NREP: variants seen among roughly 807,000 people sequenced by gnomAD.
The protein encoded by NREP is neuronal regeneration-related protein.
NREP carries 5 observed loss-of-function variants against 8.6 expected under a neutral mutation model. That is an observed-to-expected ratio of 0.58 (90% CI 0.30 to 1.22). The LOEUF (loss-of-function observed/expected upper bound fraction) is 1.22. NREP is among the 50% of genes most tolerant of loss of function. NREP has a pLI of 0.07. For synonymous variants in NREP, 27 were observed against 28.0 expected (o/e 0.96, Z 0.11); for missense variants, 86 against 82.5 (o/e 1.04, Z -0.17).
At chr5:111,843,754 G>C (rs1333495123) in intron 2 of NREP, among the ~76,000 whole-genome samples, 1 of 152,138 alleles carries the variant, frequency 6.6e-6, no homozygotes, top group African/African-American at 2.4e-5. Flanking sequence ...GGAAGTGTTG[G>C]AAGGTGGGGT....
chr5:111,910,717 A>G (rs1188775923), intron 2 of NREP, among the ~76,000 whole-genome samples: 1 of 152,078 alleles, frequency 6.6e-6, no homozygotes, highest in Non-Finnish European at 1.5e-5. Context: ...CCCCCAGGAC[A>G]GAAACCCTCT....
chr5:111,811,496 A>C (rs1561676142), intron 2 of NREP, among the ~76,000 whole-genome samples: 1 of 152,164 alleles, frequency 6.6e-6, no homozygotes, highest in Non-Finnish European at 1.5e-5. Flanking sequence ...ACACACATAC[A>C]CACTCAAAAT....
At chr5:111,936,707 C>T (rs1755692967) in intron 2 of NREP, among the ~76,000 whole-genome samples, 1 of 152,100 alleles carries the variant, frequency 6.6e-6, no homozygotes, top group Non-Finnish European at 1.5e-5. Flanking sequence ...ACTACAATCT[C>T]CTTGATTCCC....
At chr5:111,957,793 T>C (rs913006054) in intron 2 of NREP, among the ~76,000 whole-genome samples, 4 of 151,886 alleles carry the variant, frequency 2.6e-5, no homozygotes, top group Non-Finnish European at 5.9e-5. Flanking sequence ...TTAGGAAGTA[T>C]AGTTCATCAT....
At chr5:111,746,353 G>C (rs889506263) in intron 2 of NREP, among the ~76,000 whole-genome samples, 10 of 151,944 alleles carry the variant, frequency 6.6e-5, no homozygotes, top group Non-Finnish European at 1.2e-4. Context: ...CTATTATCAA[G>C]AAGTAAAAAA....
intron 2 of NREP, among the ~76,000 whole-genome samples, chr5:111,918,464 T>A (rs1755128851): frequency 6.6e-6 from 1 of 152,122 alleles, no homozygotes; most frequent in Non-Finnish European, 1.5e-5. Flanking sequence ...CTAACTATAC[T>A]ACATGGCTAC....
chr5:111,881,938 G>A (rs10080125), intron 2 of NREP, among the ~76,000 whole-genome samples: 10,086 of 152,260 alleles, frequency 0.066, 369 homozygotes, highest in African/African-American at 0.079. Flanking sequence ...CTCCTCCAAA[G>A]GATCACAGTT....
intron 2 of NREP, among the ~76,000 whole-genome samples, chr5:111,958,364 G>T (rs566751733): frequency 2.2e-4 from 33 of 151,776 alleles, no homozygotes; most frequent in Non-Finnish European, 4.0e-4. Flanking sequence ...GAGATATAAA[G>T]ATGAGAAAAG....
chr5:111,874,047 AG>A (rs1219183867), intron 2 of NREP, among the ~76,000 whole-genome samples: 1 of 142,776 alleles, frequency 7.0e-6, no homozygotes, highest in African/African-American at 2.5e-5. Context: ...CAGGGACGGG[AG>A]GGTGGGGAAA....
chr5:111,902,950 T>C (rs567382092), intron 2 of NREP, among the ~76,000 whole-genome samples: 331 of 152,270 alleles, frequency 2.2e-3, no homozygotes, highest in African/African-American at 7.8e-3. Context: ...CCTAGGACCT[T>C]CAGTTCTTCA....
chr5:111,846,439 T>TTTTTTTTTTTTTTTTTTTTTTTTTTTTA (rs1753175574), intron 2 of NREP: 1 of 131,132 alleles, frequency 7.6e-6, no homozygotes, highest in Non-Finnish European at 1.6e-5. Context: ...TTTTTTTTTT[T>TTTTTTTTTTTTTTTTTTTTTTTTTTTTA]TTTTTTGTCT....
intron 1 of NREP, chr5:111,756,299 A>AC: frequency 1.1e-6 from 1 of 895,268 alleles, no homozygotes; most frequent in Non-Finnish European, 1.3e-6. Context: ...CCGTGTTTAA[A>AC]AAAAAAAAAA....
intron 2 of NREP, among the ~76,000 whole-genome samples, chr5:111,820,992 G>A (rs1752501604): frequency 1.3e-5 from 2 of 152,142 alleles, no homozygotes; most frequent in South Asian, 4.1e-4. Context: ...TATAAAGACA[G>A]TCCTCTGAAT....
At chr5:111,902,364 A>C (rs1304801861) in intron 2 of NREP, among the ~76,000 whole-genome samples, 1 of 152,178 alleles carries the variant, frequency 6.6e-6, no homozygotes, top group East Asian at 1.9e-4. Context: ...CATGTGCTGT[A>C]ATAGTTGAGC....
At chr5:111,974,898 T>C (rs1456810935) in intron 2 of NREP, among the ~76,000 whole-genome samples, 1 of 152,016 alleles carries the variant, frequency 6.6e-6, no homozygotes, top group East Asian at 1.9e-4. Context: ...CTCAAGGAGT[T>C]TGGAGAAAAG....
intron 2 of NREP, among the ~76,000 whole-genome samples, chr5:111,935,710 C>T (rs1405928475): frequency 6.6e-6 from 1 of 152,022 alleles, no homozygotes; most frequent in Non-Finnish European, 1.5e-5. Flanking sequence ...TTGTAACGTC[C>T]ACTCCTCTTT....
intron 2 of NREP, among the ~76,000 whole-genome samples, chr5:111,919,821 T>G (rs1367830296): frequency 1.3e-5 from 2 of 148,168 alleles, no homozygotes; most frequent in African/African-American, 2.5e-5. Flanking sequence ...TGTATACCCA[T>G]GTAACAAACC....
chr5:111,958,553 T>G (rs1212156126), intron 2 of NREP, among the ~76,000 whole-genome samples: 1 of 151,922 alleles, frequency 6.6e-6, no homozygotes, highest in Non-Finnish European at 1.5e-5. Context: ...ATTTAAAAAA[T>G]TTCATTCAAA....
intron 2 of NREP, among the ~76,000 whole-genome samples, chr5:111,930,651 G>C (rs1474604375): frequency 1.3e-5 from 2 of 152,122 alleles, no homozygotes; most frequent in Non-Finnish European, 2.9e-5. Context: ...GCTGTTAATT[G>C]CAAGCCCAGT....
Sources: allele counts gnomAD v4.1 joint callset (sites outside exome capture counted in the v4.1 genomes callset), GRCh38; gene constraint gnomAD v4.1.1; transcripts MANE v1.5; gene names NCBI Gene and HGNC (gene_info 2026-07-23, HGNC 2026-07-21).